SLC35B4: variants seen among roughly 807,000 people sequenced by gnomAD.
SLC35B4 encodes the protein solute carrier family 35 member B4, also known as nucleotide sugar transporter SLC35B4.
Under a neutral mutation model 39.5 loss-of-function variants are expected in SLC35B4, and 28 were observed. The ratio of observed to expected loss-of-function variants is 0.71; its 90% confidence interval spans 0.53 to 0.97. The LOEUF (loss-of-function observed/expected upper bound fraction) is 0.97, where lower values mean the gene tolerates loss of function less well. Among genes scored for constraint, SLC35B4 ranks in the 50% least tolerant of loss-of-function variants. The pLI is 0.00. For synonymous variants in SLC35B4, 145 were observed against 150.4 expected (o/e 0.96, Z 0.26); for missense variants, 334 against 414.3 (o/e 0.81, Z 1.68).
intron 4 of SLC35B4, 23 bp downstream of exon 4, chr7:134,304,782 A>G: frequency 6.4e-7 from 1 of 1,568,984 alleles, no homozygotes. Context: ...TCCATACACA[A>G]AATACAGAAG....
At position 134,294,566 on chromosome 7, in the gene SLC35B4, A is replaced by G; in HGVS notation, c.*267T>C. 1 of 373,618 alleles carries G rather than the reference A, an allele frequency of 2.7e-6. No homozygotes were observed. The highest frequency in any genetic ancestry group is 3.7e-5 in the South Asian group (1 of 26,750). The allele number at this position is 373,618 out of a possible 1,614,324, so 23.1% of individuals were successfully genotyped here. ...AATTCAGAAAACAAGAATAATACTG[A>G]ATATGTCGGTAAACAAAACAGAAAT... On this transcript the variant is annotated 3_prime_UTR_variant, in exon 10 of 10. Coordinates refer to ENST00000378509, the MANE Select transcript of SLC35B4 (RefSeq NM_032826.5).
At position 134,295,231 on chromosome 7, in the gene SLC35B4, C is replaced by G. The variant is rs534788593; in HGVS notation, c.750-152G>C. The G allele has an allele frequency of 4.3e-6, 4 of 931,398 alleles. No homozygotes were observed. The South Asian group carries it at 5.1e-5, about 12-fold the overall frequency. 57.7% of individuals were successfully genotyped at this position (931,398 alleles called of 1,614,324 possible). On this transcript the variant is annotated intron_variant, in intron 9 of 9. Coordinates refer to ENST00000378509, the MANE Select transcript of SLC35B4 (RefSeq NM_032826.5). Reference sequence around the variant, plus strand: ...CTCTGAGGCTCCTCCTGGGGAGAACCTGCAGAACAACTCCTGTCCTGCCAT... The same window carrying G: ...CTCTGAGGCTCCTCCTGGGGAGAACGTGCAGAACAACTCCTGTCCTGCCAT...
upstream of SLC35B4, chr7:134,316,990 C>T: frequency 1.8e-6 from 1 of 550,672 alleles, no homozygotes; most frequent in Non-Finnish European, 3.2e-6. Context: ...CGAGCCCCGG[C>T]CAGACTACAT....
At chr7:134,301,927 T>C in intron 5 of SLC35B4, 102 bp downstream of exon 5, 1 of 1,515,890 alleles carries the variant, frequency 6.6e-7, no homozygotes, top group Non-Finnish European at 9.1e-7. Flanking sequence ...CTCTTCTCTT[T>C]CAAAATCTTT....
chr7:134,318,777 T>A (rs1362111475), upstream of SLC35B4, among the ~76,000 whole-genome samples: 2 of 152,208 alleles, frequency 1.3e-5, no homozygotes, highest in African/African-American at 4.8e-5. Flanking sequence ...GTCTAAGTGA[T>A]TGCACAAGAA....
intron 4 of SLC35B4, 59 bp from the exon 5 acceptor site, chr7:134,302,169 C>T: frequency 7.2e-7 from 1 of 1,392,204 alleles, no homozygotes; most frequent in South Asian, 1.2e-5. Flanking sequence ...ATGAATTTCC[C>T]AGTGATATTT....
rs544667875 is a variant in SLC35B4, at chr7:134,307,530, G to C, written c.192-756C>G. On this transcript the variant is annotated intron_variant, in intron 2 of 9. Transcript: ENST00000378509. ...TTGCCGTTTTTATAGGTCAAAAAGAGTTGAATGTCAGAAATTTCATATGAC... is the reference window on the plus strand; with the variant it reads ...TTGCCGTTTTTATAGGTCAAAAAGACTTGAATGTCAGAAATTTCATATGAC... 3.3e-5 allele frequency among the ~76,000 whole-genome samples: 5 copies of C among 152,314 alleles called. No homozygotes were observed. In the South Asian group the frequency reaches 1.0e-3, roughly 32 times the overall value.
At chr7:134,301,435 C>T (rs1487592895) in intron 6 of SLC35B4, among the ~76,000 whole-genome samples, 1 of 152,214 alleles carries the variant, frequency 6.6e-6, no homozygotes, top group Non-Finnish European at 1.5e-5. Flanking sequence ...CTTGCAGAAG[C>T]TTCAACTTGG....
In SLC35B4 at chr7:134,302,040, C is replaced by T. The variant is rs779064774; in HGVS notation, c.415G>A (p.Ala139Thr). 1.2e-6 allele frequency: 2 copies of T among 1,613,796 alleles called. No homozygotes were observed. The highest frequency in any genetic ancestry group is 3.3e-5 in the Admixed American group (2 of 59,970). ...VGIFICTFMS[A>T]KQVTSQSSLS... The stretch of plus-strand genomic sequence containing the variant: ...TGTGAGCTTCTTACCACCTGCTTTG[C>T]TGACATAAAAGTGCAAATAAATATC... The change falls in exon 5 of 10, where the codon GCA (alanine) becomes ACA (threonine). Residue 139 changes from alanine (A) to threonine (T), a missense_variant. By Grantham distance (58) the Ala-to-Thr change is moderately conservative. Transcript: ENST00000378509.
At chr7:134,304,910 G>T in intron 3 of SLC35B4, 56 bp from the exon 4 acceptor site, 8 of 1,361,542 alleles carry the variant, frequency 5.9e-6, no homozygotes, top group Non-Finnish European at 7.3e-6. Context: ...AAAAAACAAC[G>T]TAATTCGAGA....
chr7:134,301,102 C>A (rs1803570114), intron 6 of SLC35B4, among the ~76,000 whole-genome samples: 1 of 152,178 alleles, frequency 6.6e-6, no homozygotes, highest in African/African-American at 2.4e-5. Flanking sequence ...GGGATAAAGT[C>A]TCAAAGCCAA....
intron 5 of SLC35B4, 48 bp downstream of exon 5, chr7:134,301,981 G>A: frequency 6.3e-7 from 1 of 1,574,822 alleles, no homozygotes; most frequent in South Asian, 1.1e-5. Context: ...CTGGTAACTG[G>A]GCCCCAATAG....
intron 1 of SLC35B4, among the ~76,000 whole-genome samples, chr7:134,312,883 G>T (rs888015236): frequency 6.6e-6 from 1 of 152,122 alleles, no homozygotes; most frequent in Non-Finnish European, 1.5e-5. Flanking sequence ...GGTTAAGTAT[G>T]GGTTTTTAGT....
chr7:134,301,479 A>C (rs1803578920), intron 6 of SLC35B4, among the ~76,000 whole-genome samples: 2 of 152,234 alleles, frequency 1.3e-5, no homozygotes, highest in African/African-American at 4.8e-5. Context: ...TGACATTCAA[A>C]GGATGTGATG....
chr7:134,296,369 G>A (rs1162978629), intron 9 of SLC35B4, 22 bp downstream of exon 9: 2 of 1,601,724 alleles, frequency 1.2e-6, no homozygotes, highest in Non-Finnish European at 1.7e-6. Context: ...ACATAAGGGT[G>A]ACGGCACAGT....
Position 134,306,731 on chromosome 7 carries a change from C to A in SLC35B4, c.235G>T (p.Val79Leu). 1 of 1,613,996 alleles carries A rather than the reference C, an allele frequency of 6.2e-7. No individual in the cohort carries two copies. Among genetic ancestry groups the A allele is most frequent in the Admixed American group, 1.7e-5 (1 of 59,948 alleles). The change falls in exon 3 of 10, where the codon GTG (valine) becomes TTG (leucine). Residue 79 changes from valine (V) to leucine (L), a missense_variant. Transcript: ENST00000378509. ...MVTMFFTVSV[V>L]NNYALNLNIA... Reference sequence around the variant, plus strand: ...TTGAGATTCAGGGCATAGTTGTTCACCACGCTCACGGTGAAGAACATGGTC... The same window carrying A: ...TTGAGATTCAGGGCATAGTTGTTCAACACGCTCACGGTGAAGAACATGGTC...
rs1803297316 is a variant in SLC35B4 at position 134,289,944 on chromosome 7, A to T, written c.*4889T>A. On this transcript the variant is annotated 3_prime_UTR_variant, in exon 10 of 10. Coordinates refer to ENST00000378509, the MANE Select transcript of SLC35B4 (RefSeq NM_032826.5). Reference sequence around the variant, plus strand: ...TGGTAGGACGGTTACCAATTTAAGTAGGTAAGGCTCAGGGGAGGTGTCTCA... The same window carrying T: ...TGGTAGGACGGTTACCAATTTAAGTTGGTAAGGCTCAGGGGAGGTGTCTCA... The T allele has an allele frequency of 1.3e-5, 2 of 152,186 alleles. No individual in the cohort carries two copies. Among genetic ancestry groups the T allele is most frequent in the Admixed American group, 1.3e-4 (2 of 15,280 alleles). The allele number at this position is 152,186 out of a possible 1,614,324, so 9.4% of individuals were successfully genotyped here. A position where few individuals can be genotyped will look rare whatever the true frequency, so the allele number is the denominator to read the frequency against.
intron 1 of SLC35B4, 116 bp downstream of exon 1, chr7:134,316,559 G>T: frequency 1.8e-6 from 2 of 1,092,180 alleles, no homozygotes; most frequent in Non-Finnish European, 2.6e-6. Context: ...GTCCTGCCCC[G>T]GGCTCCGTGG....
intron 1 of SLC35B4, among the ~76,000 whole-genome samples, chr7:134,310,279 T>C (rs765997498): frequency 6.6e-6 from 1 of 152,206 alleles, no homozygotes; most frequent in Non-Finnish European, 1.5e-5. Context: ...TTTAGTGATC[T>C]GTGAAACAGT....
Sources: allele counts gnomAD v4.1 joint callset (sites outside exome capture counted in the v4.1 genomes callset), GRCh38; gene constraint gnomAD v4.1.1; transcripts MANE v1.5; gene names NCBI Gene and HGNC (gene_info 2026-07-23, HGNC 2026-07-21).